The following GMFB variants were observed in gnomAD, a reference collection of about 807,000 sequenced individuals.
The protein encoded by GMFB is glia maturation factor beta, also known as GMF-beta.
A neutral mutation model predicts 25.6 loss-of-function variants in GMFB; 13 were observed. The observed-to-expected ratio is 0.51, with a 90% CI of 0.33 to 0.81. The LOEUF is 0.81. Among genes scored for constraint, GMFB ranks in the 30% least tolerant of loss-of-function variants. The pLI is 0.02. For missense variants in GMFB, 146 were observed against 175.4 expected (o/e 0.83, Z 0.95); for synonymous variants, 57 against 56.9 (o/e 1.00, Z 0.00).
intron 5 of GMFB, chr14:54,480,176 T>A (rs997411824): frequency 4.5e-6 from 1 of 224,438 alleles, no homozygotes; most frequent in Non-Finnish European, 8.7e-6. Flanking sequence ...AATATCAAGA[T>A]CAATTTTATG....
chr14:54,484,182 G>C, intron 1 of GMFB: 1 of 181,806 alleles, frequency 5.5e-6, no homozygotes, highest in Non-Finnish European at 1.2e-5. Context: ...ATTATACTTA[G>C]AATTAATAAA....
At chr14:54,488,040 C>G (rs917315540) in intron 1 of GMFB, among the ~76,000 whole-genome samples, 3 of 152,136 alleles carry the variant, frequency 2.0e-5, no homozygotes, top group Admixed American at 6.5e-5. Flanking sequence ...GCTAAAAGGT[C>G]AGAGAAGACG....
Position 54,478,076 on chromosome 14 carries a change from C to T in GMFB, c.*12G>A, listed in dbSNP as rs1472017487. 2 of 1,247,602 alleles carry T rather than the reference C, an allele frequency of 1.6e-6. No individual in the cohort carries two copies. Among genetic ancestry groups the T allele is most frequent in the East Asian group, 2.4e-5 (1 of 41,084 alleles). The allele number at this position is 1,247,602 out of a possible 1,614,324, so 77.3% of individuals were successfully genotyped here. ...TTAATACATAAATACTTTAGAAACA[C>T]AGAAGTTCACATTAGTGAAAAAATC... is the stretch of plus-strand genomic sequence containing the variant. On this transcript the variant is annotated 3_prime_UTR_variant, in exon 7 of 7. Transcript: ENST00000358056.
rs2031611713 is a variant in GMFB, at chr14:54,474,527, T to C, written c.*3561A>G. 6.6e-6 allele frequency: 1 copy of C among 152,666 alleles called. No individual in the cohort carries two copies. The highest frequency in any genetic ancestry group is 6.5e-5 in the Admixed American group (1 of 15,288). 9.5% of individuals were successfully genotyped at this position (152,666 alleles called of 1,614,324 possible). A position where few individuals can be genotyped will look rare whatever the true frequency, so the allele number is the denominator to read the frequency against. Reference sequence around the variant, plus strand: ...TTTATTTAAACCAGTACAAGCACCATGCTTAACAAAAGACTGTCCAAAATA... The same window carrying C: ...TTTATTTAAACCAGTACAAGCACCACGCTTAACAAAAGACTGTCCAAAATA... On this transcript the variant is annotated 3_prime_UTR_variant, in exon 7 of 7. Transcript: ENST00000358056.
intron 1 of GMFB, among the ~76,000 whole-genome samples, chr14:54,485,677 G>T (rs61160274): frequency 6.6e-6 from 1 of 152,104 alleles, no homozygotes; most frequent in African/African-American, 2.4e-5. Flanking sequence ...CCTAAAATTT[G>T]TAAGGAGCCA....
intron 1 of GMFB, among the ~76,000 whole-genome samples, chr14:54,485,803 C>T (rs2031773388): frequency 6.6e-6 from 1 of 152,150 alleles, no homozygotes; most frequent in Admixed American, 6.5e-5. Context: ...AAACCACACA[C>T]ACAGGCCAAT....
intron 3 of GMFB, 42 bp from the exon 4 acceptor site, chr14:54,481,500 C>T (rs781185885): frequency 7.3e-6 from 10 of 1,362,226 alleles, no homozygotes; most frequent in Non-Finnish European, 1.1e-5. Flanking sequence ...ATTTTCTTAC[C>T]CATAAGTCCT....
Position 54,477,492 on chromosome 14 carries a change from A to C in GMFB, c.*596T>G, listed in dbSNP as rs1411721886. 2 of 152,124 alleles carry C rather than the reference A, an allele frequency of 1.3e-5. No homozygotes were observed. The highest frequency in any genetic ancestry group is 4.8e-5 in the African/African-American group (2 of 41,418). 9.4% of individuals were successfully genotyped at this position (152,124 alleles called of 1,614,324 possible). On this transcript the variant is annotated 3_prime_UTR_variant, in exon 7 of 7. Coordinates refer to ENST00000358056, the MANE Select transcript of GMFB (RefSeq NM_004124.3). ...CTAACAGTCATAATTCTATCATAAAATCTAACTCCCGACCTTAAAAATGAG... is the reference window on the plus strand; with the variant it reads ...CTAACAGTCATAATTCTATCATAAACTCTAACTCCCGACCTTAAAAATGAG...
chr14:54,486,061 C>T (rs2031777974), intron 1 of GMFB, among the ~76,000 whole-genome samples: 2 of 152,102 alleles, frequency 1.3e-5, no homozygotes, highest in African/African-American at 4.8e-5. Context: ...ACCAGCCTGG[C>T]TAACATGGTG....
chr14:54,485,478 T>C (rs2031768780), intron 1 of GMFB, among the ~76,000 whole-genome samples: 1 of 152,122 alleles, frequency 6.6e-6, no homozygotes, highest in African/African-American at 2.4e-5. Flanking sequence ...GACAGATCTC[T>C]ACAATGAAAA....
intron 6 of GMFB, chr14:54,478,363 C>T (rs1345408076): frequency 1.2e-5 from 4 of 346,950 alleles, no homozygotes; most frequent in Non-Finnish European, 2.1e-5. Context: ...GGTAGAACTT[C>T]ACTTCTTTTA....
At chr14:54,487,601 T>A (rs954868680) in intron 1 of GMFB, among the ~76,000 whole-genome samples, 21 of 152,224 alleles carry the variant, frequency 1.4e-4, no homozygotes, top group African/African-American at 4.8e-4. Context: ...TAATCCCAGC[T>A]ACTTGGGAGG....
chr14:54,486,856 T>A (rs2031789267), intron 1 of GMFB, among the ~76,000 whole-genome samples: 1 of 121,316 alleles, frequency 8.2e-6, no homozygotes, highest in African/African-American at 3.3e-5. Flanking sequence ...TCTTAACCAC[T>A]ACAAAGGAGG....
At chr14:54,483,816 T>A in intron 1 of GMFB, 49 bp from the exon 2 acceptor site, 2 of 1,005,524 alleles carry the variant, frequency 2.0e-6, no homozygotes, top group Non-Finnish European at 3.2e-6. Context: ...TCAATATATG[T>A]ACATGTTAAA....
rs1455989881 is a variant in GMFB, at chr14:54,475,692, G to C, written c.*2396C>G. On this transcript the variant is annotated 3_prime_UTR_variant, in exon 7 of 7. Coordinates refer to ENST00000358056, the MANE Select transcript of GMFB (RefSeq NM_004124.3). ...ACACTAAATAATACTGTGATTACCA[G>C]TTGGTTCTATTTTGACATTAGATGC... is the stretch of plus-strand genomic sequence containing the variant. 2.6e-5 allele frequency: 4 copies of C among 152,468 alleles called. No homozygotes were observed. Among genetic ancestry groups the C allele is most frequent in the Non-Finnish European group, 4.4e-5 (3 of 67,934 alleles). The allele number at this position is 152,468 out of a possible 1,614,324, so 9.4% of individuals were successfully genotyped here.
rs2031638199 is a variant in GMFB at position 54,476,196 on chromosome 14, C to CA, written c.*1891_*1892insT. On this transcript the variant is annotated 3_prime_UTR_variant, in exon 7 of 7. Coordinates refer to ENST00000358056, the MANE Select transcript of GMFB (RefSeq NM_004124.3). ...ACAGTAGCGGAACTAAGAGTGCTAA[C>CA]GTATGGCAGGTCAATATTATCTGAC... 1.4e-5 allele frequency: 2 copies of CA among 145,414 alleles called. No individual in the cohort carries two copies. The highest frequency in any genetic ancestry group is 1.3e-4 in the Admixed American group (2 of 14,874). 9.0% of individuals were successfully genotyped at this position (145,414 alleles called of 1,614,324 possible).
intron 5 of GMFB, 28 bp downstream of exon 5, chr14:54,480,844 AAT>A (rs1364186101): frequency 4.4e-6 from 5 of 1,126,138 alleles, no homozygotes; most frequent in Non-Finnish European, 6.6e-6. Context: ...ATCTAAGCCA[AAT>A]ATGTGTTATT....
chr14:54,482,191 T>G lies in GMFB; in HGVS notation c.112A>C (p.Lys38Gln). 6.2e-7 allele frequency: 1 copy of G among 1,603,946 alleles called. No homozygotes were observed. Among genetic ancestry groups the G allele is most frequent in the Non-Finnish European group, 8.5e-7 (1 of 1,170,940 alleles). ...TCCAGTACCACCAGGCGTTTATCCT[T>G]GTCAATCTTCACTAAAATAAAAATC... ...NNAAIIMKID[K>Q]DKRLVVLDEE... Residue 38 changes from lysine (K) to glutamine (Q), a missense_variant, in exon 3 of 7, where the codon AAG becomes CAG. By Grantham distance (53) the Lys-to-Gln change is moderately conservative. Transcript: ENST00000358056.
rs1476914287 is a variant in GMFB, at chr14:54,474,838, T to C, written c.*3250A>G. 1.3e-5 allele frequency: 2 copies of C among 152,658 alleles called. No individual in the cohort carries two copies. Among genetic ancestry groups the C allele is most frequent in the African/African-American group, 2.4e-5 (1 of 41,474 alleles). 9.5% of individuals were successfully genotyped at this position (152,658 alleles called of 1,614,324 possible). A position where few individuals can be genotyped will look rare whatever the true frequency, so the allele number is the denominator to read the frequency against. ...CAAGTTTACTGTATATGAGCACTGATTTGAAATGTCAAATGGCATAATAAA... is the reference window on the plus strand; with the variant it reads ...CAAGTTTACTGTATATGAGCACTGACTTGAAATGTCAAATGGCATAATAAA... On this transcript the variant is annotated 3_prime_UTR_variant, in exon 7 of 7. Coordinates refer to ENST00000358056, the MANE Select transcript of GMFB (RefSeq NM_004124.3).
Sources: gnomAD v4.1 joint callset for allele counts (sites outside exome capture counted in the v4.1 genomes callset) on GRCh38, gnomAD v4.1.1 for gene constraint, MANE v1.5 for transcripts, NCBI Gene and HGNC (gene_info 2026-07-23, HGNC 2026-07-21) for gene names.